The following RUNDC3B variants were observed in gnomAD, a reference collection of about 807,000 sequenced individuals.
RUNDC3B encodes RUN domain-containing protein 3B.
A neutral mutation model predicts 58.4 loss-of-function variants in RUNDC3B; 33 were observed. The ratio of observed to expected loss-of-function variants is 0.56; its 90% confidence interval spans 0.43 to 0.75. The LOEUF (loss-of-function observed/expected upper bound fraction) is 0.75. Among genes scored for constraint, RUNDC3B ranks in the 30% least tolerant of loss-of-function variants. The probability of loss-of-function intolerance (pLI) is 0.00; values close to 1 mark genes in which losing one functional copy is unlikely to be tolerated. For missense variants in RUNDC3B, 501 were observed against 535.7 expected (o/e 0.94, Z 0.64); for synonymous variants, 193 against 195.2 (o/e 0.99, Z 0.10).
chr7:87,697,385 G>GTCTGGCA (rs1486975798), intron 2 of RUNDC3B, among the ~76,000 whole-genome samples: 1 of 152,208 alleles, frequency 6.6e-6, no homozygotes, highest in Non-Finnish European at 1.5e-5. Context: ...CTTGAGGGAA[G>GTCTGGCA]TCTGGCAGCT....
At chr7:87,798,774 C>T (rs1835960447) in intron 8 of RUNDC3B, among the ~76,000 whole-genome samples, 1 of 152,102 alleles carries the variant, frequency 6.6e-6, no homozygotes, top group Non-Finnish European at 1.5e-5. Context: ...GGGTTGAAAA[C>T]CATTGCCACT....
At chr7:87,813,263 A>G (rs1000226148) in intron 9 of RUNDC3B, among the ~76,000 whole-genome samples, 2 of 152,222 alleles carry the variant, frequency 1.3e-5, no homozygotes, top group African/African-American at 4.8e-5. Context: ...TTGGATTCAG[A>G]AAGTGATATT....
intron 8 of RUNDC3B, among the ~76,000 whole-genome samples, chr7:87,783,828 C>T (rs1241163766): frequency 6.6e-6 from 1 of 152,066 alleles, no homozygotes; most frequent in Non-Finnish European, 1.5e-5. Context: ...AAAATATGTT[C>T]CCAGTCTTCT....
intron 4 of RUNDC3B, among the ~76,000 whole-genome samples, chr7:87,734,666 G>T (rs1831813551): frequency 6.6e-6 from 1 of 152,008 alleles, no homozygotes; most frequent in African/African-American, 2.4e-5. Context: ...TTACTTTAGA[G>T]TCACTCTCTT....
At chr7:87,770,493 T>G in intron 6 of RUNDC3B, 88 bp from the exon 7 acceptor site, 2 of 987,666 alleles carry the variant, frequency 2.0e-6, no homozygotes, top group Non-Finnish European at 3.0e-6. Flanking sequence ...TTTTCGAATT[T>G]GTTCACCGTA....
Position 87,828,080 on chromosome 7 carries a change from T to C in RUNDC3B, c.1226-1805T>C, listed in dbSNP as rs534956441. Among the ~76,000 whole-genome samples, 4 of 152,338 alleles carry C rather than the reference T, an allele frequency of 2.6e-5. No homozygotes were observed. In the South Asian group the frequency reaches 8.3e-4, roughly 32 times the overall value. On this transcript the variant is annotated intron_variant, in intron 10 of 10. Transcript: ENST00000394654. ...GAACCCTAGAAATTATTGATAACTT[T>C]TTTTTGTTGTTCAAAAGGGCCCCTC...
At chr7:87,777,452 T>C (rs1834697403) in intron 7 of RUNDC3B, among the ~76,000 whole-genome samples, 1 of 152,222 alleles carries the variant, frequency 6.6e-6, no homozygotes, top group Non-Finnish European at 1.5e-5. Flanking sequence ...TTTTGAAAAA[T>C]AATCACAAAG....
At chr7:87,758,365 C>G (rs930033161) in intron 6 of RUNDC3B, among the ~76,000 whole-genome samples, 1 of 151,944 alleles carries the variant, frequency 6.6e-6, no homozygotes, top group Non-Finnish European at 1.5e-5. Flanking sequence ...AACCGAACAC[C>G]TGGAACTCTG....
intron 1 of RUNDC3B, among the ~76,000 whole-genome samples, chr7:87,632,070 T>A (rs552432847): frequency 4.9e-4 from 75 of 152,160 alleles, no homozygotes; most frequent in Non-Finnish European, 6.6e-4. Flanking sequence ...ATTTTGTAAT[T>A]CTCTGCTGAT....
At chr7:87,724,706 G>A (rs1166370587) in intron 4 of RUNDC3B, among the ~76,000 whole-genome samples, 1 of 151,900 alleles carries the variant, frequency 6.6e-6, no homozygotes, top group Non-Finnish European at 1.5e-5. Flanking sequence ...AAAATAATCT[G>A]CCATTTTCAT....
intron 4 of RUNDC3B, among the ~76,000 whole-genome samples, chr7:87,722,102 T>C (rs953712412): frequency 6.6e-6 from 1 of 152,110 alleles, no homozygotes; most frequent in African/African-American, 2.4e-5. Flanking sequence ...TTTAAATTAC[T>C]TGATTAGTAA....
chr7:87,631,547 C>T lies in RUNDC3B; in HGVS notation c.122+2602C>T, dbSNP rs28381765. ...CTGGGACTACAGGCGCCCGCCACCA[C>T]GCCCGGCTAATTTTTTGTGTTTTGT... On this transcript the variant is annotated intron_variant, in intron 1 of 10. Transcript: ENST00000394654. Among the ~76,000 whole-genome samples the T allele has an allele frequency of 6.9e-3, 1,056 of 152,294 alleles. 12 individuals are homozygous for T. The highest frequency in any genetic ancestry group is 0.023 in the African/African-American group (975 of 41,576).
chr7:87,739,021 C>G (rs1832159614), intron 4 of RUNDC3B, among the ~76,000 whole-genome samples: 1 of 151,724 alleles, frequency 6.6e-6, no homozygotes, highest in Non-Finnish European at 1.5e-5. Flanking sequence ...CTGATATAAA[C>G]TAGATTTTAC....
intron 10 of RUNDC3B, among the ~76,000 whole-genome samples, chr7:87,825,663 C>T (rs1314798365): frequency 6.6e-6 from 1 of 152,204 alleles, no homozygotes; most frequent in African/African-American, 2.4e-5. Flanking sequence ...AAGCCACAGA[C>T]ACTTAGCACC....
intron 6 of RUNDC3B, among the ~76,000 whole-genome samples, chr7:87,760,161 A>T (rs1485128960): frequency 5.3e-5 from 8 of 151,780 alleles, no homozygotes; most frequent in Non-Finnish European, 7.4e-5. Flanking sequence ...ATGCCCACAC[A>T]TACCTAGTTC....
At chr7:87,662,882 A>G (rs1824857682) in intron 2 of RUNDC3B, among the ~76,000 whole-genome samples, 1 of 152,148 alleles carries the variant, frequency 6.6e-6, no homozygotes, top group Admixed American at 6.6e-5. Context: ...ATTCACTAAC[A>G]TGGAATATCT....
Position 87,831,783 on chromosome 7 carries a change from T to C in RUNDC3B, c.*1753T>C, listed in dbSNP as rs938651828. ...AATTTTAGGCTGGACTTGAGCACTA[T>C]TGCTGCTTTCCTATGAACTATCAGA... On this transcript the variant is annotated 3_prime_UTR_variant, in exon 11 of 11. Transcript: ENST00000394654. The C allele has an allele frequency of 2.0e-5, 3 of 151,912 alleles. No individual in the cohort carries two copies. Among genetic ancestry groups the C allele is most frequent in the Admixed American group, 1.3e-4 (2 of 15,194 alleles). The allele number at this position is 151,912 out of a possible 1,614,324, so 9.4% of individuals were successfully genotyped here.
At position 87,628,426 on chromosome 7, in the gene RUNDC3B, T is replaced by G. The variant is rs1274539294; in HGVS notation, c.-398T>G. ...GCTGCCTCCCGGGCTGGGGCACGAGTGGCTGCGGAGTGTGGGTGGTTGGGC... is the reference window on the plus strand; with the variant it reads ...GCTGCCTCCCGGGCTGGGGCACGAGGGGCTGCGGAGTGTGGGTGGTTGGGC... On this transcript the variant is annotated 5_prime_UTR_variant, in exon 1 of 11. Coordinates refer to ENST00000394654, the MANE Select transcript of RUNDC3B (RefSeq NM_001134405.2). 3 of 161,980 alleles carry G rather than the reference T, an allele frequency of 1.9e-5. No individual in the cohort carries two copies. Among genetic ancestry groups the G allele is most frequent in the Non-Finnish European group, 4.0e-5 (3 of 75,050 alleles). 10.0% of individuals were successfully genotyped at this position (161,980 alleles called of 1,614,324 possible).
intron 6 of RUNDC3B, among the ~76,000 whole-genome samples, chr7:87,769,775 G>T (rs1404197507): frequency 2.0e-5 from 3 of 151,952 alleles, no homozygotes; most frequent in African/African-American, 7.3e-5. Flanking sequence ...CATGCATTAG[G>T]TATTTGTCCT....
Sources: gnomAD v4.1 joint callset for allele counts (sites outside exome capture counted in the v4.1 genomes callset) on GRCh38, gnomAD v4.1.1 for gene constraint, MANE v1.5 for transcripts, NCBI Gene and HGNC (gene_info 2026-07-23, HGNC 2026-07-21) for gene names.